CELF2: variants seen among roughly 807,000 people sequenced by gnomAD.
CELF2 encodes CUG triplet repeat RNA-binding protein 2.
CELF2 carries 8 observed loss-of-function variants against 62.6 expected under a neutral mutation model. That is an observed-to-expected ratio of 0.13 (90% CI 0.07 to 0.23). The LOEUF (loss-of-function observed/expected upper bound fraction) is 0.23, where lower values mean the gene tolerates loss of function less well. CELF2 is among the 10% of genes least tolerant of loss of function. The pLI is 1.00. For synonymous variants in CELF2, 258 were observed against 250.0 expected, an observed-to-expected ratio of 1.03 and a Z score of -0.30; for missense variants, 333 against 671.0, an observed-to-expected ratio of 0.50 and a Z score of 5.56.
the CELF2 span, among the ~76,000 whole-genome samples, chr10:10,708,652 C>G: frequency 6.6e-6 from 1 of 152,308 alleles, no homozygotes; most frequent in South Asian, 2.1e-4. Flanking sequence ...AGAGCTATTT[C>G]TCTTCTCTTC....
intron 1 of CELF2, among the ~76,000 whole-genome samples, chr10:11,043,632 C>T (rs540318373): frequency 1.7e-4 from 26 of 152,260 alleles, no homozygotes; most frequent in Admixed American, 1.1e-3. Context: ...CCAGCTGCTC[C>T]GGGCAGACCT....
intron 1 of CELF2, among the ~76,000 whole-genome samples, chr10:10,884,439 G>A (rs1298594580): frequency 6.6e-6 from 1 of 152,134 alleles, no homozygotes; most frequent in Non-Finnish European, 1.5e-5. Flanking sequence ...AATGTCAAAG[G>A]TCAAAGTATG....
chr10:10,715,596 C>T, the CELF2 span, among the ~76,000 whole-genome samples: 1 of 152,132 alleles, frequency 6.6e-6, no homozygotes, highest in Admixed American at 6.5e-5. Context: ...GATAGAATCA[C>T]TGTAGGATTG....
At chr10:10,493,720 G>A in the CELF2 span, among the ~76,000 whole-genome samples, 4 of 152,008 alleles carry the variant, frequency 2.6e-5, no homozygotes, top group South Asian at 2.1e-4. Context: ...TTTGTAGAGA[G>A]AGGGTTTCAC....
At chr10:11,219,782 A>G (rs1424599679) in intron 3 of CELF2, among the ~76,000 whole-genome samples, 1 of 152,242 alleles carries the variant, frequency 6.6e-6, no homozygotes, top group East Asian at 1.9e-4. Context: ...ATTAATGCAT[A>G]TTCTTGGAAG....
chr10:10,718,773 C>T, the CELF2 span, among the ~76,000 whole-genome samples: 9 of 151,932 alleles, frequency 5.9e-5, no homozygotes, highest in South Asian at 2.1e-4. Context: ...AAGAGTAGAA[C>T]CAGCAGGTTT....
At chr10:10,763,557 A>G in the CELF2 span, among the ~76,000 whole-genome samples, 1 of 152,236 alleles carries the variant, frequency 6.6e-6, no homozygotes, top group Non-Finnish European at 1.5e-5. Flanking sequence ...GAGGAGGAAG[A>G]TGCAGAAAGG....
the CELF2 span, among the ~76,000 whole-genome samples, chr10:10,573,374 T>C: frequency 1.3e-5 from 2 of 152,198 alleles, no homozygotes; most frequent in Admixed American, 1.3e-4. Context: ...TTGTCAATTT[T>C]TGCTTTTGCT....
At chr10:10,586,323 G>A in the CELF2 span, among the ~76,000 whole-genome samples, 4 of 152,052 alleles carry the variant, frequency 2.6e-5, no homozygotes, top group Non-Finnish European at 5.9e-5. Context: ...AAAAGGCCAT[G>A]TTTGACCCTC....
chr10:10,869,617 G>A (rs17149001), intron 1 of CELF2, among the ~76,000 whole-genome samples: 3,419 of 152,142 alleles, frequency 0.022, 136 homozygotes, highest in African/African-American at 0.078. Context: ...TTTAGGATAG[G>A]ATTTCTGCTC....
chr10:11,185,075 C>G (rs2074479741), intron 2 of CELF2, among the ~76,000 whole-genome samples: 1 of 152,108 alleles, frequency 6.6e-6, no homozygotes, highest in Admixed American at 6.5e-5. Flanking sequence ...GAATTATCAT[C>G]AGGAATGGAT....
At chr10:11,112,660 G>A (rs1194446121) in intron 1 of CELF2, among the ~76,000 whole-genome samples, 1 of 152,194 alleles carries the variant, frequency 6.6e-6, no homozygotes, top group Non-Finnish European at 1.5e-5. Flanking sequence ...TGTAAACAAC[G>A]ATATTTATGG....
In CELF2 at chr10:11,021,307, T is replaced by C. The variant is rs1331797592; in HGVS notation, c.74+3144T>C. On this transcript the variant is annotated intron_variant, in intron 1 of 12. Coordinates refer to ENST00000633077, the MANE Select transcript of CELF2 (RefSeq NM_001326342.2). Reference sequence around the variant, plus strand: ...TTTTTACATTTGGTAGGTAACCTTATTGAAAATGAGAAAAGTTATGTTGAC... The same window carrying C: ...TTTTTACATTTGGTAGGTAACCTTACTGAAAATGAGAAAAGTTATGTTGAC... Among the ~76,000 whole-genome samples, 4 of 152,208 alleles carry C rather than the reference T, an allele frequency of 2.6e-5. No individual in the cohort carries two copies. In the East Asian group the frequency reaches 5.8e-4, roughly 22 times the overall value.
At chr10:10,519,767 T>C in the CELF2 span, among the ~76,000 whole-genome samples, 5 of 152,178 alleles carry the variant, frequency 3.3e-5, no homozygotes, top group Non-Finnish European at 7.3e-5. Flanking sequence ...TTTACCTGCG[T>C]TCACCATTAA....
chr10:10,826,998 G>C (rs937082819), intron 1 of CELF2, among the ~76,000 whole-genome samples: 1 of 152,158 alleles, frequency 6.6e-6, no homozygotes, highest in African/African-American at 2.4e-5. Context: ...GGATCTTTCA[G>C]GGAATGAGGT....
At chr10:10,791,429 A>G in the CELF2 span, among the ~76,000 whole-genome samples, 3 of 152,308 alleles carry the variant, frequency 2.0e-5, no homozygotes, top group East Asian at 3.9e-4. Flanking sequence ...CCATGTCCCA[A>G]CTTTTAAATC....
intron 2 of CELF2, among the ~76,000 whole-genome samples, chr10:11,188,397 G>A (rs931214401): frequency 6.6e-6 from 1 of 152,136 alleles, no homozygotes; most frequent in Non-Finnish European, 1.5e-5. Flanking sequence ...GAGTCACCAC[G>A]CCCAGACTGA....
chr10:10,644,311 C>T, the CELF2 span, among the ~76,000 whole-genome samples: 2 of 152,286 alleles, frequency 1.3e-5, no homozygotes, highest in East Asian at 3.9e-4. Context: ...AAGGGCATCT[C>T]ATTAGTTTTT....
At chr10:11,203,422 C>T (rs1483420137) in intron 2 of CELF2, among the ~76,000 whole-genome samples, 1 of 152,132 alleles carries the variant, frequency 6.6e-6, no homozygotes, top group Non-Finnish European at 1.5e-5. Flanking sequence ...TTTTAGTATC[C>T]ATAATCAGGT....
Sources: gnomAD v4.1 joint callset for allele counts (sites outside exome capture counted in the v4.1 genomes callset) on GRCh38, gnomAD v4.1.1 for gene constraint, MANE v1.5 for transcripts, NCBI Gene and HGNC (gene_info 2026-07-23, HGNC 2026-07-21) for gene names.